The following CD81 variants were observed in gnomAD, a reference collection of about 807,000 sequenced individuals.
The protein encoded by CD81 is CD81 antigen.
A neutral mutation model predicts 30.1 loss-of-function variants in CD81; 10 were observed. The ratio of observed to expected loss-of-function variants is 0.33; its 90% CI spans 0.21 to 0.56. The LOEUF (loss-of-function observed/expected upper bound fraction) is 0.56, where lower values mean the gene tolerates loss of function less well. Among genes scored for constraint, CD81 ranks in the 20% least tolerant of loss-of-function variants. The pLI is 0.89. For synonymous variants in CD81, 147 were observed against 126.4 expected (o/e 1.16, Z -1.10); for missense variants, 263 against 308.7 (o/e 0.85, Z 1.11).
chr11:2,396,080 G>A (rs1431157736), intron 6 of CD81, 110 bp downstream of exon 6: 1 of 720,866 alleles, frequency 1.4e-6, no homozygotes, highest in Non-Finnish European at 2.5e-6. Flanking sequence ...GACCACACTG[G>A]GTGGCATGGC....
Position 2,397,291 on chromosome 11 carries a change from G to A in CD81, c.*425G>A. 1 of 277,264 alleles carries A rather than the reference G, an allele frequency of 3.6e-6. No individual in the cohort carries two copies. The highest frequency in any genetic ancestry group is 7.0e-6 in the Non-Finnish European group (1 of 142,020). The allele number at this position is 277,264 out of a possible 1,614,324, so 17.2% of individuals were successfully genotyped here. The stretch of plus-strand genomic sequence containing the variant: ...CCCCGGTTCGAGAGCCGAGTCTGTG[G>A]GCACTCTCTGCCTTCATGCACCTGT... On this transcript the variant is annotated 3_prime_UTR_variant, in exon 8 of 8. Transcript: ENST00000263645.
At position 2,394,993 on chromosome 11, in the gene CD81, C is replaced by T; in HGVS notation, c.301C>T (p.Leu101=). 6.2e-7 allele frequency: 1 copy of T among 1,612,814 alleles called. No homozygotes were observed. Among genetic ancestry groups the T allele is most frequent in the Non-Finnish European group, 8.5e-7 (1 of 1,179,976 alleles). ...CCAGTTCTTCACCTGCCTGGTCATCCTGTTTGCCTGTGAGGTGGCCGCCGG... is the reference window on the plus strand; with the variant it reads ...CCAGTTCTTCACCTGCCTGGTCATCTTGTTTGCCTGTGAGGTGGCCGCCGG... ...LGTFFTCLVI[L]FACEVAAGIW... is the part of the protein sequence containing the mutation. The change falls in exon 4 of 8, where the codon CTG becomes TTG. Residue 101 remains leucine (L), a synonymous_variant. Coordinates refer to ENST00000263645, the MANE Select transcript of CD81 (RefSeq NM_004356.4).
rs900539408 is a variant in CD81, at chr11:2,396,942, C to A, written c.*76C>A. 1 of 1,342,654 alleles carries A rather than the reference C, an allele frequency of 7.4e-7. No individual in the cohort carries two copies. Among genetic ancestry groups the A allele is most frequent in the Non-Finnish European group, 1.1e-6 (1 of 942,158 alleles). The allele number at this position is 1,342,654 out of a possible 1,614,324, so 83.2% of individuals were successfully genotyped here. Reference sequence around the variant, plus strand: ...CGGACACTTCCGAGGGGGCCATCACCGCCTGTGTATATAACGTTTCCGGTA... The same window carrying A: ...CGGACACTTCCGAGGGGGCCATCACAGCCTGTGTATATAACGTTTCCGGTA... On this transcript the variant is annotated 3_prime_UTR_variant, in exon 8 of 8. Transcript: ENST00000263645.
At chr11:2,393,886 G>C in intron 2 of CD81, 1 of 699,780 alleles carries the variant, frequency 1.4e-6, no homozygotes, top group Non-Finnish European at 2.6e-6. Context: ...CTTAGTCTCC[G>C]TCCTGTGTCA....
chr11:2,389,364 C>T (rs1849854835), intron 1 of CD81, among the ~76,000 whole-genome samples: 1 of 152,162 alleles, frequency 6.6e-6, no homozygotes, highest in Non-Finnish European at 1.5e-5. Context: ...GAGGACAAGC[C>T]TGTGTCCTCT....
intron 1 of CD81, among the ~76,000 whole-genome samples, chr11:2,383,074 A>C (rs1201412029): frequency 6.6e-6 from 1 of 152,154 alleles, no homozygotes; most frequent in Non-Finnish European, 1.5e-5. Context: ...GTGACTCCTC[A>C]CATCCCCCAG....
At chr11:2,396,099 G>C (rs1329498445) in intron 6 of CD81, 129 bp downstream of exon 6, 6 of 670,752 alleles carry the variant, frequency 8.9e-6, no homozygotes, top group South Asian at 4.5e-5. Context: ...GCCCCTGTCA[G>C]GGCTGCTCTG....
At chr11:2,379,304 G>C (rs1849661179) in intron 1 of CD81, 2 of 432,306 alleles carry the variant, frequency 4.6e-6, no homozygotes, top group Admixed American at 4.8e-5. Context: ...CCGAGGGAGG[G>C]TGTAGGCCTG....
Position 2,395,444 on chromosome 11 carries a change from A to G in CD81, c.383A>G (p.Asp128Gly). ...GCCAAGGATGTGAAGCAGTTCTATG[A>G]CCAGGCCCTACAGCAGGCCGTGGTG... ...QIAKDVKQFY[D>G]QALQQAVVDD... Residue 128 changes from aspartate (D) to glycine (G), a missense_variant, in exon 5 of 8, where the codon GAC becomes GGC. Physicochemically the swap from Asp to Gly is moderately conservative, Grantham distance 94. Coordinates refer to ENST00000263645, the MANE Select transcript of CD81 (RefSeq NM_004356.4). The G allele has an allele frequency of 1.2e-6, 2 of 1,612,700 alleles. No homozygotes were observed.
chr11:2,389,567 G>A (rs7952267), intron 1 of CD81, among the ~76,000 whole-genome samples: 15,945 of 152,116 alleles, frequency 0.1, 2,390 homozygotes, highest in African/African-American at 0.34. Context: ...ATGACCCGGC[G>A]TTGAAGGCCT....
chr11:2,392,251 G>C (rs1007500131), intron 2 of CD81: 14 of 152,492 alleles, frequency 9.2e-5, no homozygotes, highest in Admixed American at 3.9e-4. Context: ...CGTGTGGCCG[G>C]AGAGGAGCTG....
rs1005826996 is a variant in CD81 at position 2,378,314 on chromosome 11, C to T, written c.66+699C>T. Among the ~76,000 whole-genome samples the T allele has an allele frequency of 4.6e-5, 7 of 152,152 alleles. No homozygotes were observed. The highest frequency in any genetic ancestry group is 1.0e-4 in the Non-Finnish European group (7 of 68,014). On this transcript the variant is annotated intron_variant, in intron 1 of 7. Transcript: ENST00000263645. The surrounding 1 kb of genome is among the most constrained non-coding windows in gnomAD (Gnocchi z 4.9). ...CTCTCCTCACCCAGACACGTTCCAG[C>T]GGAGGCCTCCTCCCAGAAGGGCTCT... is the stretch of plus-strand genomic sequence containing the variant.
At position 2,394,135 on chromosome 11, in the gene CD81, C is replaced by G; in HGVS notation, c.222C>G (p.Phe74Leu). The G allele has an allele frequency of 6.2e-7, 1 of 1,613,228 alleles. No homozygotes were observed. Among genetic ancestry groups the G allele is most frequent in the Non-Finnish European group, 8.5e-7 (1 of 1,179,882 alleles). ...TCGCTGTGGGCGCTGTCATGATGTTCGTTGGCTTCCTGGGCTGCTACGGGG... is the reference window on the plus strand; with the variant it reads ...TCGCTGTGGGCGCTGTCATGATGTTGGTTGGCTTCCTGGGCTGCTACGGGG... ...ILIAVGAVMMFVGFLGCYGAI... is the reference protein window; with the variant it reads ...ILIAVGAVMMLVGFLGCYGAI... The change falls in exon 3 of 8, where the codon TTC becomes TTG. Residue 74 changes from phenylalanine (F) to leucine (L), a missense_variant. This residue lies in a region of CD81 where 84 missense variants were observed against 98.2 expected (regional missense o/e 0.86). Coordinates refer to ENST00000263645, the MANE Select transcript of CD81 (RefSeq NM_004356.4).
In CD81 at chr11:2,377,647, G is replaced by C. The variant is rs1433164324; in HGVS notation, c.66+32G>C. 3 of 1,440,446 alleles carry C rather than the reference G, an allele frequency of 2.1e-6. No individual in the cohort carries two copies. The highest frequency in any genetic ancestry group is 1.9e-5 in the Admixed American group (1 of 51,684). 89.2% of individuals were successfully genotyped at this position (1,440,446 alleles called of 1,614,324 possible). Reference sequence around the variant, plus strand: ...GCTGCGCCGGGGGCCGGGGCGGGAGGGGGCAGGCACACACTCCACGTTGGG... The same window carrying C: ...GCTGCGCCGGGGGCCGGGGCGGGAGCGGGCAGGCACACACTCCACGTTGGG... On this transcript the variant is annotated intron_variant, in intron 1 of 7. Transcript: ENST00000263645. The surrounding 1 kb of genome is among the most constrained non-coding windows in gnomAD (Gnocchi z 7.7).
intron 1 of CD81, chr11:2,386,630 C>G (rs1277751349): frequency 2.8e-6 from 2 of 717,174 alleles, no homozygotes; most frequent in Admixed American, 4.0e-5. Context: ...CTGGGAAGAC[C>G]AAGGCTCAGG....
At chr11:2,390,309 G>T in intron 1 of CD81, 103 bp from the exon 2 acceptor site, 1 of 902,306 alleles carries the variant, frequency 1.1e-6, no homozygotes. Context: ...CCCTGCTCGG[G>T]AGCCAGCAAG....
chr11:2,395,080 G>A (rs1849972140), intron 4 of CD81, 34 bp downstream of exon 4: 2 of 1,561,324 alleles, frequency 1.3e-6, no homozygotes, highest in Non-Finnish European at 1.8e-6. Context: ...GGGTGGGGTG[G>A]GTGACGGGGG....
At chr11:2,395,071 G>A (rs747353158) in intron 4 of CD81, 25 bp downstream of exon 4, 3 of 1,597,046 alleles carry the variant, frequency 1.9e-6, no homozygotes, top group East Asian at 4.5e-5. Flanking sequence ...GCAGGGACAG[G>A]GTGGGGTGGG....
rs937325027 is a variant in CD81, at chr11:2,395,669, G to A, written c.459+149G>A. ...GGACCCCTGGTCTCAACTGGTCCTC[G>A]GGTGGGAACCTAGTGGGCCAGGGTG... is the stretch of plus-strand genomic sequence containing the variant. On this transcript the variant is annotated intron_variant, in intron 5 of 7. Coordinates refer to ENST00000263645, the MANE Select transcript of CD81 (RefSeq NM_004356.4). 56 of 767,296 alleles carry A rather than the reference G, an allele frequency of 7.3e-5. 1 individual carries two copies. The highest frequency in any genetic ancestry group is 4.3e-4 in the African/African-American group (25 of 58,120). 47.5% of individuals were successfully genotyped at this position (767,296 alleles called of 1,614,324 possible).
Sources: gnomAD v4.1 joint callset for allele counts (sites outside exome capture counted in the v4.1 genomes callset) on GRCh38, gnomAD v4.1.1 for gene constraint, gnomAD v4.1.1 regional missense constraint, Gnocchi (gnomAD v3.1) non-coding constraint, MANE v1.5 for transcripts, NCBI Gene and HGNC (gene_info 2026-07-23, HGNC 2026-07-21) for gene names.